The following VAC14 variants were observed in gnomAD, a reference collection of about 807,000 sequenced individuals.
The protein encoded by VAC14 is protein VAC14 homolog.
VAC14 carries 47 observed loss-of-function variants against 85.3 expected under a neutral mutation model. The observed-to-expected ratio is 0.55, with a 90% CI of 0.44 to 0.70. The LOEUF (loss-of-function observed/expected upper bound fraction) is 0.70. Ranked by LOEUF, VAC14 falls within the 30% of genes least tolerant of loss-of-function variation. The probability of loss-of-function intolerance (pLI) is 0.00; values close to 1 mark genes in which losing one functional copy is unlikely to be tolerated. For missense variants in VAC14, 861 were observed against 1,004.3 expected, an observed-to-expected ratio of 0.86 and a Z score of 1.93; for synonymous variants, 447 against 430.5, an observed-to-expected ratio of 1.04 and a Z score of -0.47.
intron 13 of VAC14, among the ~76,000 whole-genome samples, chr16:70,743,856 G>A (rs912143258): frequency 2.6e-5 from 4 of 152,206 alleles, no homozygotes; most frequent in South Asian, 4.1e-4. Context: ...GGGAAGTGGC[G>A]TCTGCCGAGG....
At chr16:70,796,662 TGAG>T (rs2034558316) in intron 1 of VAC14, among the ~76,000 whole-genome samples, 1 of 152,132 alleles carries the variant, frequency 6.6e-6, no homozygotes, top group African/African-American at 2.4e-5. Flanking sequence ...ATAAATGAGA[TGAG>T]GGGTATACCA....
chr16:70,786,745 T>G (rs2034079563), intron 1 of VAC14, among the ~76,000 whole-genome samples: 2 of 152,322 alleles, frequency 1.3e-5, no homozygotes, highest in African/African-American at 4.8e-5. Flanking sequence ...GAGCGACTAT[T>G]TCCAGGGACG....
chr16:70,738,737 T>C (rs1269908177), intron 13 of VAC14, among the ~76,000 whole-genome samples: 3 of 152,166 alleles, frequency 2.0e-5, no homozygotes, highest in Non-Finnish European at 2.9e-5. Context: ...TAATAAACTT[T>C]CAAAAATAGG....
At chr16:70,705,065 G>A (rs900031392) in intron 14 of VAC14, among the ~76,000 whole-genome samples, 6 of 152,180 alleles carry the variant, frequency 3.9e-5, no homozygotes, top group African/African-American at 1.4e-4. Context: ...TACTTGTGCC[G>A]GCTCCCTTTG....
At chr16:70,752,692 C>T (rs898376609) in intron 12 of VAC14, among the ~76,000 whole-genome samples, 1 of 152,224 alleles carries the variant, frequency 6.6e-6, no homozygotes, top group African/African-American at 2.4e-5. Context: ...ACGCACAGTC[C>T]CCGAGCGAAG....
intron 13 of VAC14, among the ~76,000 whole-genome samples, chr16:70,740,465 G>A (rs1037165308): frequency 7.9e-5 from 12 of 152,152 alleles, no homozygotes; most frequent in Non-Finnish European, 1.0e-4. Context: ...TCCAGGCCCC[G>A]GGAGGAAAGG....
At chr16:70,791,133 C>G (rs2034318706) in intron 1 of VAC14, among the ~76,000 whole-genome samples, 1 of 152,212 alleles carries the variant, frequency 6.6e-6, no homozygotes, top group Admixed American at 6.5e-5. Context: ...CCAGGCCTGC[C>G]TTCTTACTGC....
At chr16:70,744,081 C>T (rs549488084) in intron 13 of VAC14, among the ~76,000 whole-genome samples, 66 of 152,244 alleles carry the variant, frequency 4.3e-4, no homozygotes, top group Non-Finnish European at 7.9e-4. Context: ...ACCCCAAGAC[C>T]GAAGCCCCTG....
At chr16:70,783,584 G>C in intron 5 of VAC14, 30 bp from the exon 6 acceptor site, 1 of 1,603,650 alleles carries the variant, frequency 6.2e-7, no homozygotes, top group Non-Finnish European at 8.5e-7. Flanking sequence ...AGGAGGGGAA[G>C]TCAGCTCCAG....
intron 12 of VAC14, chr16:70,747,514 G>C (rs904845850): frequency 1.3e-5 from 2 of 150,232 alleles, no homozygotes; most frequent in African/African-American, 2.5e-5. Flanking sequence ...GGGCGGGGGG[G>C]GCAAAACCCT....
chr16:70,755,142 T>C, intron 12 of VAC14: 1 of 269,186 alleles, frequency 3.7e-6, no homozygotes, highest in Non-Finnish European at 7.5e-6. Flanking sequence ...TACACCACCC[T>C]GCAGCAGGCC....
intron 14 of VAC14, among the ~76,000 whole-genome samples, chr16:70,710,355 A>C (rs2054005840): frequency 6.6e-6 from 1 of 152,228 alleles, no homozygotes; most frequent in Non-Finnish European, 1.5e-5. Context: ...GACCTCACAC[A>C]GGGTCCTCGG....
chr16:70,781,446 C>T (rs146319047), intron 8 of VAC14, among the ~76,000 whole-genome samples: 41 of 152,326 alleles, frequency 2.7e-4, no homozygotes, highest in African/African-American at 6.7e-4. Flanking sequence ...GGAGCTCAGT[C>T]GTCTCAGGGC....
In VAC14 at chr16:70,762,682, G is replaced by C. The variant is rs1362411480; in HGVS notation, c.1306-77C>G. The C allele has an allele frequency of 6.5e-7, 1 of 1,539,950 alleles. No homozygotes were observed. Among genetic ancestry groups the C allele is most frequent in the Non-Finnish European group, 8.9e-7 (1 of 1,121,258 alleles). On this transcript the variant is annotated intron_variant, in intron 11 of 18. Coordinates refer to ENST00000261776, the MANE Select transcript of VAC14 (RefSeq NM_018052.5). The surrounding 1 kb of genome is among the most constrained non-coding windows in gnomAD (Gnocchi z 4.1). The stretch of plus-strand genomic sequence containing the variant: ...CTACGTGCAGTGCAGTGTCCCGCTG[G>C]TGTGCACGGACCCACTGGTCTGCAC...
chr16:70,691,337 C>T (rs1597843557), intron 18 of VAC14: 3 of 985,342 alleles, frequency 3.0e-6, no homozygotes, highest in East Asian at 2.3e-4. Flanking sequence ...GCAGCCCTTC[C>T]TGCCTCCTCC....
At chr16:70,790,602 A>G (rs1295606730) in intron 1 of VAC14, among the ~76,000 whole-genome samples, 1 of 151,470 alleles carries the variant, frequency 6.6e-6, no homozygotes, top group Non-Finnish European at 1.5e-5. Flanking sequence ...TGTCGGAGTG[A>G]CAGCCTGCAA....
chr16:70,738,481 G>A (rs2029926850), intron 13 of VAC14, among the ~76,000 whole-genome samples: 1 of 152,204 alleles, frequency 6.6e-6, no homozygotes, highest in Admixed American at 6.5e-5. Flanking sequence ...CGGCAGTGGA[G>A]AGGTCATATA....
In VAC14 at chr16:70,781,905, C is replaced by T. The variant is rs762881808; in HGVS notation, c.910G>A (p.Val304Ile). The T allele has an allele frequency of 6.2e-7, 1 of 1,614,140 alleles. No individual in the cohort carries two copies. The highest frequency in any genetic ancestry group is 8.5e-7 in the Non-Finnish European group (1 of 1,180,028). ...TCATCGTAGGCCAAGCAGGGCAAGA[C>T]AGCAGTCAGGATCCCGGAGGAGTAA... The part of the protein sequence containing the change: ...LPYSSGILTA[V>I]LPCLAYDDRK... Residue 304 changes from valine (V) to isoleucine (I), a missense_variant, in exon 8 of 19, where the codon GTC becomes ATC. This residue lies in a region of VAC14 where 629 missense variants were observed against 703.1 expected (regional missense o/e 0.89). Transcript: ENST00000261776.
intron 1 of VAC14, among the ~76,000 whole-genome samples, chr16:70,792,507 T>G (rs1422344659): frequency 6.6e-6 from 1 of 152,330 alleles, no homozygotes; most frequent in East Asian, 1.9e-4. Flanking sequence ...AGAGGTGTCC[T>G]CTAGAGGCTG....
Sources: allele counts gnomAD v4.1 joint callset (sites outside exome capture counted in the v4.1 genomes callset), GRCh38; gene constraint gnomAD v4.1.1; regional missense constraint gnomAD v4.1.1; non-coding constraint Gnocchi (gnomAD v3.1); transcripts MANE v1.5; gene names NCBI Gene and HGNC (gene_info 2026-07-23, HGNC 2026-07-21).